The following RBFOX1 variants were observed in gnomAD, a reference collection of about 807,000 sequenced individuals.
RBFOX1 encodes RNA binding protein fox-1 homolog 1.
RBFOX1 carries 8 observed loss-of-function variants against 57.7 expected under a neutral mutation model. That is an observed-to-expected ratio of 0.14 (90% CI 0.08 to 0.25). RBFOX1 has a LOEUF of 0.25. RBFOX1 is among the 10% of genes least tolerant of loss of function. The probability of loss-of-function intolerance (pLI) is 1.00; values close to 1 mark genes in which losing one functional copy is unlikely to be tolerated. For synonymous variants in RBFOX1, 326 were observed against 222.4 expected (o/e 1.47, Z -4.15); for missense variants, 611 against 548.5 (o/e 1.11, Z -1.14).
chr16:6,904,833 A>G (rs536482309), intron 3 of RBFOX1, among the ~76,000 whole-genome samples: 115 of 152,172 alleles, frequency 7.6e-4, no homozygotes, highest in African/African-American at 2.6e-3. Flanking sequence ...TGATTTTGTT[A>G]GAGAAGAATT....
intron 4 of RBFOX1, among the ~76,000 whole-genome samples, chr16:7,196,930 G>A (rs948712892): frequency 6.6e-6 from 1 of 152,178 alleles, no homozygotes; most frequent in Non-Finnish European, 1.5e-5. Flanking sequence ...CAGAGGGGAA[G>A]TTGGGTTATC....
intron 2 of RBFOX1, among the ~76,000 whole-genome samples, chr16:5,564,439 G>T (rs1211550092): frequency 6.6e-6 from 1 of 152,190 alleles, no homozygotes; most frequent in Admixed American, 6.5e-5. Flanking sequence ...CGTCTTCTTG[G>T]ATTATCTCTT....
chr16:6,121,710 G>A (rs2096551125), intron 1 of RBFOX1, among the ~76,000 whole-genome samples: 1 of 152,082 alleles, frequency 6.6e-6, no homozygotes, highest in South Asian at 2.1e-4. Flanking sequence ...AAGGGTGTCA[G>A]GGCTAGTCTG....
intron 2 of RBFOX1, among the ~76,000 whole-genome samples, chr16:5,558,832 A>T (rs1876358): frequency 1.3e-5 from 2 of 151,878 alleles, no homozygotes; most frequent in South Asian, 4.2e-4. Context: ...GGTGTCAGAA[A>T]ACTAGAGCAG....
At chr16:6,849,730 A>G (rs1216919647) in intron 3 of RBFOX1, among the ~76,000 whole-genome samples, 1 of 152,160 alleles carries the variant, frequency 6.6e-6, no homozygotes, top group Non-Finnish European at 1.5e-5. Flanking sequence ...GACTGTCTAC[A>G]TCGCCTACAT....
In RBFOX1 at chr16:5,297,837, A is replaced by T. The variant is rs1014741844; in HGVS notation, c.219+57732A>T. ...TGGTATTAAATATTTCAGTCACATT[A>T]TGAAACACTTATTCCCTTTTAAATT... On this transcript the variant is annotated intron_variant, in intron 1 of 2. Transcript: ENST00000585867. Among the ~76,000 whole-genome samples, 5 of 152,360 alleles carry T rather than the reference A, an allele frequency of 3.3e-5. No individual in the cohort carries two copies. The East Asian group carries it at 7.7e-4, about 24-fold the overall frequency.
intron 4 of RBFOX1, among the ~76,000 whole-genome samples, chr16:7,451,096 G>A (rs901660189): frequency 6.6e-6 from 1 of 152,178 alleles, no homozygotes; most frequent in Non-Finnish European, 1.5e-5. Context: ...GGTAGGGCAG[G>A]CTGAGGGTTA....
At chr16:7,050,981 A>G (rs2049874352) in intron 3 of RBFOX1, among the ~76,000 whole-genome samples, 1 of 152,110 alleles carries the variant, frequency 6.6e-6, no homozygotes, top group Non-Finnish European at 1.5e-5. Context: ...TTGTTTTTAG[A>G]GAAAGTCAAA....
intron 2 of RBFOX1, among the ~76,000 whole-genome samples, chr16:6,479,920 G>A (rs543025486): frequency 2.6e-5 from 4 of 151,368 alleles, no homozygotes; most frequent in South Asian, 2.1e-4. Context: ...GCATGGTGGC[G>A]GGTACCTATG....
intron 3 of RBFOX1, among the ~76,000 whole-genome samples, chr16:5,818,074 A>G (rs2055708790): frequency 6.6e-6 from 1 of 152,188 alleles, no homozygotes; most frequent in Admixed American, 6.5e-5. Flanking sequence ...GAGACAGGTA[A>G]ATAAAGATAT....
intron 3 of RBFOX1, among the ~76,000 whole-genome samples, chr16:6,800,776 A>T (rs1270340056): frequency 6.6e-6 from 1 of 152,204 alleles, no homozygotes; most frequent in Non-Finnish European, 1.5e-5. Flanking sequence ...GCAGTAGATG[A>T]CAAAGTAGCT....
chr16:7,641,870 G>T (rs535350587), intron 11 of RBFOX1, among the ~76,000 whole-genome samples: 1 of 152,112 alleles, frequency 6.6e-6, no homozygotes, highest in Non-Finnish European at 1.5e-5. Flanking sequence ...GTTGTGCAGC[G>T]TCCTCCAGGC....
At chr16:7,556,003 G>GCACCTAGCA (rs150280520) in intron 5 of RBFOX1, among the ~76,000 whole-genome samples, 15,222 of 152,024 alleles carry the variant, frequency 0.1, 1,505 homozygotes, top group African/African-American at 0.26. Context: ...ACCTGGAATT[G>GCACCTAGCA]CATACTTAGT....
intron 4 of RBFOX1, among the ~76,000 whole-genome samples, chr16:7,081,520 T>C (rs2059198342): frequency 6.6e-6 from 1 of 152,192 alleles, no homozygotes; most frequent in African/African-American, 2.4e-5. Context: ...AGCACTCATT[T>C]CTCACTAATG....
intron 4 of RBFOX1, among the ~76,000 whole-genome samples, chr16:7,186,561 TAAACATATTTATATAAATATA>T: frequency 9.7e-5 from 11 of 113,478 alleles, no homozygotes; most frequent in Non-Finnish European, 1.8e-4. Flanking sequence ...AATATAAGCT[TAAACATATTTATATAAATATA>T]AGCTTAAACA....
intron 3 of RBFOX1, among the ~76,000 whole-genome samples, chr16:6,733,844 C>A (rs751381437): frequency 6.6e-6 from 1 of 152,206 alleles, no homozygotes; most frequent in East Asian, 1.9e-4. Flanking sequence ...GGAGCTCACT[C>A]CAGAGCTGAC....
intron 2 of RBFOX1, among the ~76,000 whole-genome samples, chr16:6,393,100 T>G (rs2092678670): frequency 6.6e-6 from 1 of 152,206 alleles, no homozygotes; most frequent in East Asian, 1.9e-4. Context: ...AAATTTGTGT[T>G]TGGGAGGCTT....
chr16:5,988,288 A>C (rs900486952), intron 4 of RBFOX1, among the ~76,000 whole-genome samples: 40 of 152,226 alleles, frequency 2.6e-4, no homozygotes, highest in East Asian at 1.5e-3. Flanking sequence ...AACATAATTA[A>C]AATAATGAGA....
At chr16:6,477,048 T>G (rs1204279741) in intron 2 of RBFOX1, among the ~76,000 whole-genome samples, 1 of 152,192 alleles carries the variant, frequency 6.6e-6, no homozygotes, top group East Asian at 1.9e-4. Flanking sequence ...CAGGCTCCAC[T>G]TGTAATTCTA....
Sources: gnomAD v4.1 joint callset for allele counts (sites outside exome capture counted in the v4.1 genomes callset) on GRCh38, gnomAD v4.1.1 for gene constraint, MANE v1.5 for transcripts, NCBI Gene and HGNC (gene_info 2026-07-23, HGNC 2026-07-21) for gene names.